Variants in APCDD1L observed in about 807,000 individuals in gnomAD.
APCDD1L encodes APC down-regulated 1 like.
APCDD1L carries 21 observed loss-of-function variants against 24.2 expected under a neutral mutation model. That is an observed-to-expected ratio of 0.87 (90% confidence interval 0.61 to 1.25). The LOEUF is 1.25. Ranked by LOEUF, APCDD1L falls within the 50% of genes most tolerant of loss-of-function variation. APCDD1L has a pLI of 0.00. For missense variants in APCDD1L, 704 were observed against 711.7 expected (o/e 0.99, Z 0.12); for synonymous variants, 321 against 323.6 (o/e 0.99, Z 0.09).
At position 58,514,640 on chromosome 20, in the gene APCDD1L, G is replaced by T. The variant is rs756241393; in HGVS notation, c.49+19C>A. On this transcript the variant is annotated intron_variant, in intron 1 of 3. Coordinates refer to ENST00000371149, the MANE Select transcript of APCDD1L (RefSeq NM_153360.3). ...TCCGAGCTCAGCCAGTTTGCCGGGT[G>T]GGGGAGGGTGGCACCTACCTCCCAA... 4 of 1,313,282 alleles carry T rather than the reference G, an allele frequency of 3.0e-6. No individual in the cohort carries two copies. The highest frequency in any genetic ancestry group is 1.5e-5 in the African/African-American group (1 of 66,386). 81.4% of individuals were successfully genotyped at this position (1,313,282 alleles called of 1,614,324 possible).
intron 1 of APCDD1L, chr20:58,513,689 C>G: frequency 2.5e-6 from 1 of 403,404 alleles, no homozygotes; most frequent in Non-Finnish European, 5.0e-6. Context: ...TGCCAGGCAG[C>G]AAGTGGAGTG....
At position 58,473,930 on chromosome 20, in the gene APCDD1L, C is replaced by T. The variant is rs909260509; in HGVS notation, c.50-3183G>A. 7.9e-5 allele frequency among the ~76,000 whole-genome samples: 12 copies of T among 152,298 alleles called. No homozygotes were observed. The East Asian group carries it at 1.9e-3, about 24-fold the overall frequency. ...TTCCCAATTGCTCAGACCAGGCTAC[C>T]GGAGCTTAAAATATGACCTGCTTGA... On this transcript the variant is annotated intron_variant, in intron 1 of 3. Transcript: ENST00000371149.
At chr20:58,512,262 C>G (rs547187068) in intron 1 of APCDD1L, among the ~76,000 whole-genome samples, 1 of 152,334 alleles carries the variant, frequency 6.6e-6, no homozygotes, top group South Asian at 2.1e-4. Context: ...TCGTTCAGAG[C>G]AAGAATAACA....
At chr20:58,482,866 T>G (rs1568742652) in intron 1 of APCDD1L, among the ~76,000 whole-genome samples, 2 of 152,190 alleles carry the variant, frequency 1.3e-5, no homozygotes, top group Non-Finnish European at 2.9e-5. Context: ...CCTAGCCTCC[T>G]TCCATCTGCA....
Position 58,460,691 on chromosome 20 carries a change from C to T in APCDD1L, c.*99G>A. The stretch of plus-strand genomic sequence containing the variant: ...AGTGGGGCTGTGCATCCATCCATGA[C>T]AGAGCAGAGGAGAATGGTTCCTTCC... On this transcript the variant is annotated 3_prime_UTR_variant, in exon 4 of 4. Transcript: ENST00000371149. This position sits in a 1 kb window ranked among gnomAD's most constrained non-coding sequence, Gnocchi z 4.2. 1.4e-6 allele frequency: 2 copies of T among 1,380,054 alleles called. No homozygotes were observed. The highest frequency in any genetic ancestry group is 1.9e-6 in the Non-Finnish European group (2 of 1,038,182). 85.5% of individuals were successfully genotyped at this position (1,380,054 alleles called of 1,614,324 possible). A position where few individuals can be genotyped will look rare whatever the true frequency, so the allele number is the denominator to read the frequency against.
At chr20:58,511,103 A>G (rs971234368) in intron 1 of APCDD1L, among the ~76,000 whole-genome samples, 1 of 152,228 alleles carries the variant, frequency 6.6e-6, no homozygotes, top group Non-Finnish European at 1.5e-5. Flanking sequence ...CTGATGTCAC[A>G]GCTATCACCA....
At chr20:58,480,926 C>T (rs191919512) in intron 1 of APCDD1L, among the ~76,000 whole-genome samples, 1 of 152,344 alleles carries the variant, frequency 6.6e-6, no homozygotes, top group East Asian at 1.9e-4. Flanking sequence ...AAGCGTTTCC[C>T]TTTTCACCCA....
chr20:58,480,210 T>C (rs1253013217), intron 1 of APCDD1L, among the ~76,000 whole-genome samples: 1 of 152,140 alleles, frequency 6.6e-6, no homozygotes, highest in Non-Finnish European at 1.5e-5. Context: ...TTATATGCTC[T>C]AAACAAAGCA....
intron 1 of APCDD1L, among the ~76,000 whole-genome samples, chr20:58,510,350 C>CT (rs932806891): frequency 4.6e-5 from 7 of 151,992 alleles, no homozygotes; most frequent in Middle Eastern, 3.2e-3. Flanking sequence ...AATTCTTCCT[C>CT]TTTTTTTTGT....
intron 1 of APCDD1L, among the ~76,000 whole-genome samples, chr20:58,503,278 A>G (rs1010468907): frequency 6.6e-6 from 1 of 152,242 alleles, no homozygotes; most frequent in Non-Finnish European, 1.5e-5. Context: ...GCTGATCATC[A>G]TAAAAGCCCA....
At chr20:58,498,631 G>A (rs1437998152) in intron 1 of APCDD1L, among the ~76,000 whole-genome samples, 1 of 152,188 alleles carries the variant, frequency 6.6e-6, no homozygotes, top group Non-Finnish European at 1.5e-5. Context: ...AGTCTGTCTG[G>A]CCTGGCCACC....
In APCDD1L at chr20:58,467,283, C is replaced by A. The variant is rs773177630; in HGVS notation, c.564G>T (p.Ala188=). ...SARAQGDCLE[A]LGLTMHELSL... ...TGAGCTCGTGCATGGTGAGGCCCAG[C>A]GCCTCCAGGCAGTCCCCCTGAGCCC... is the stretch of plus-strand genomic sequence containing the variant. The change falls in exon 3 of 4, where the codon GCG becomes GCT. Residue 188 remains alanine, a synonymous_variant. Coordinates refer to ENST00000371149, the MANE Select transcript of APCDD1L (RefSeq NM_153360.3). This position sits in a 1 kb window ranked among gnomAD's most constrained non-coding sequence, Gnocchi z 5.9. 8.4e-6 allele frequency: 13 copies of A among 1,553,918 alleles called. No individual in the cohort carries two copies. Among genetic ancestry groups the A allele is most frequent in the African/African-American group, 2.8e-5 (2 of 72,526 alleles).
At chr20:58,473,820 A>G (rs1301348119) in intron 1 of APCDD1L, among the ~76,000 whole-genome samples, 2 of 152,236 alleles carry the variant, frequency 1.3e-5, no homozygotes, top group African/African-American at 4.8e-5. Flanking sequence ...CTAATTAAAA[A>G]TTATGCTGTT....
At chr20:58,463,894 T>TG (rs35696336) in intron 3 of APCDD1L, among the ~76,000 whole-genome samples, 14,229 of 52,070 alleles carry the variant, frequency 0.27, 2,866 homozygotes, top group Non-Finnish European at 0.34. Flanking sequence ...AGTTTTTTTT[T>TG]GGGGGGGGGG....
chr20:58,467,443 A>C lies in APCDD1L; in HGVS notation c.404T>G (p.Val135Gly), dbSNP rs745540554. 1 of 1,583,520 alleles carries C rather than the reference A, an allele frequency of 6.3e-7. No homozygotes were observed. The highest frequency in any genetic ancestry group is 1.4e-5 in the African/African-American group (1 of 73,672). Residue 135 changes from valine to glycine, a missense_variant, in exon 3 of 4, where the codon GTC becomes GGC. Physicochemically the swap from Val to Gly is moderately radical, Grantham distance 109. Coordinates refer to ENST00000371149, the MANE Select transcript of APCDD1L (RefSeq NM_153360.3). This position sits in a 1 kb window ranked among gnomAD's most constrained non-coding sequence, Gnocchi z 5.9. ...GACCAGGGCCCGGCGGCTGTGGAAG[A>C]CGATGCCCACCTTGTGCAGGTGGTA... ...ADYHLHKVGI[V>G]FHSRRALVDV...
Position 58,486,084 on chromosome 20 carries a change from C to T in APCDD1L, c.50-15337G>A. Among the ~76,000 whole-genome samples, 2 of 152,160 alleles carry T rather than the reference C, an allele frequency of 1.3e-5. 1 individual carries two copies. The highest frequency in any genetic ancestry group is 3.8e-4 in the East Asian group (2 of 5,200). On this transcript the variant is annotated intron_variant, in intron 1 of 3. Transcript: ENST00000371149. The stretch of plus-strand genomic sequence containing the variant: ...ATGAGTTCTCAAAGGTCACCCAATA[C>T]ACAAGTAAGCAATCCACTATGGAGT...
rs1443391460 is a variant in APCDD1L at position 58,494,646 on chromosome 20, G to A, written c.49+20013C>T. Among the ~76,000 whole-genome samples the A allele has an allele frequency of 6.6e-6, 1 of 152,128 alleles. No individual in the cohort carries two copies. The highest frequency in any genetic ancestry group is 2.4e-5 in the African/African-American group (1 of 41,406). On this transcript the variant is annotated intron_variant, in intron 1 of 3. Coordinates refer to ENST00000371149, the MANE Select transcript of APCDD1L (RefSeq NM_153360.3). The surrounding 1 kb of genome is among the most constrained non-coding windows in gnomAD (Gnocchi z 4.8). ...GAGCCACTGTGCCTGGCTGTCAACT[G>A]TGTTTCAAAGTATACATATACTTTG...
Position 58,508,991 on chromosome 20 carries a change from T to TGC in APCDD1L, c.49+5666_49+5667dup, listed in dbSNP as rs1056167353. Among the ~76,000 whole-genome samples, 2 of 94,246 alleles carry TGC rather than the reference T, an allele frequency of 2.1e-5. No individual in the cohort carries two copies. Among genetic ancestry groups the TGC allele is most frequent in the Admixed American group, 1.3e-4 (1 of 7,706 alleles). The allele number at this position is 94,246 out of a possible 152,430, so 61.8% of individuals were successfully genotyped here. A position where few individuals can be genotyped will look rare whatever the true frequency, so the allele number is the denominator to read the frequency against. On this transcript the variant is annotated intron_variant, in intron 1 of 3. Coordinates refer to ENST00000371149, the MANE Select transcript of APCDD1L (RefSeq NM_153360.3). This position sits in a 1 kb window ranked among gnomAD's most constrained non-coding sequence, Gnocchi z 4.0. ...GTGCGCACGTGTGTGTGCATGTGCA[T>TGC]GCGTGTGTGTGTGTGTGTGTGTGTG...
At chr20:58,471,180 G>T (rs1217113253) in intron 1 of APCDD1L, among the ~76,000 whole-genome samples, 1 of 152,230 alleles carries the variant, frequency 6.6e-6, no homozygotes, top group Non-Finnish European at 1.5e-5. Flanking sequence ...GACCCAAGGT[G>T]CTGGGGACAG....
Sources: allele counts gnomAD v4.1 joint callset (sites outside exome capture counted in the v4.1 genomes callset), GRCh38; gene constraint gnomAD v4.1.1; non-coding constraint Gnocchi (gnomAD v3.1); transcripts MANE v1.5; gene names NCBI Gene and HGNC (gene_info 2026-07-23, HGNC 2026-07-21).